Variants in EMCN observed in about 807,000 individuals in gnomAD.
The protein encoded by EMCN is MUC-14.
Under a neutral mutation model 38.4 loss-of-function variants are expected in EMCN, and 37 were observed. The observed-to-expected ratio is 0.96, with a 90% CI of 0.74 to 1.27. EMCN has a LOEUF of 1.27. Ranked by LOEUF, EMCN falls within the 50% of genes most tolerant of loss-of-function variation. The pLI is 0.00. For missense variants in EMCN, 318 were observed against 302.8 expected, an observed-to-expected ratio of 1.05 and a Z score of -0.37; for synonymous variants, 95 against 100.8, an observed-to-expected ratio of 0.94 and a Z score of 0.35.
intron 5 of EMCN, among the ~76,000 whole-genome samples, chr4:100,445,215 A>G (rs1401841056): frequency 6.6e-6 from 1 of 152,176 alleles, no homozygotes; most frequent in Non-Finnish European, 1.5e-5. Context: ...GAAGAGCACT[A>G]GAAGCTTTTA....
At position 100,410,613 on chromosome 4, in the gene EMCN, G is replaced by A. The variant is rs184572556; in HGVS notation, c.752-258C>T. On this transcript the variant is annotated intron_variant, in intron 10 of 11. Coordinates refer to ENST00000296420, the MANE Select transcript of EMCN (RefSeq NM_016242.4). ...GGATAGGTCAGGGGGCAGTGGGGGC[G>A]GGGATGTGAGTTGGGAGATGATAAC... Among the ~76,000 whole-genome samples, 353 of 152,216 alleles carry A rather than the reference G, an allele frequency of 2.3e-3. 3 individuals are homozygous for A. Among genetic ancestry groups the A allele is most frequent in the African/African-American group, 8.2e-3 (340 of 41,538 alleles).
intron 5 of EMCN, among the ~76,000 whole-genome samples, chr4:100,433,835 C>T (rs751676298): frequency 2.0e-4 from 30 of 152,074 alleles, no homozygotes; most frequent in African/African-American, 2.9e-4. Context: ...TGCACCCAGC[C>T]GAAATCTCCA....
intron 1 of EMCN, among the ~76,000 whole-genome samples, chr4:100,483,789 T>A (rs1390145055): frequency 4.6e-5 from 7 of 152,196 alleles, no homozygotes; most frequent in Non-Finnish European, 8.8e-5. Context: ...CTGTATTATC[T>A]GTAAATTCCT....
At chr4:100,446,290 T>TA (rs1446704538) in intron 5 of EMCN, 1 of 753,156 alleles carries the variant, frequency 1.3e-6, no homozygotes, top group Non-Finnish European at 1.6e-6. Context: ...ATTAATGAAT[T>TA]AAAAAAATGG....
At chr4:100,502,171 C>T (rs529200824) in intron 1 of EMCN, among the ~76,000 whole-genome samples, 4 of 152,268 alleles carry the variant, frequency 2.6e-5, no homozygotes, top group Admixed American at 6.5e-5. Flanking sequence ...CTAGATGTAA[C>T]ATTTACATAG....
chr4:100,466,604 T>C (rs184133085), intron 3 of EMCN, among the ~76,000 whole-genome samples: 1 of 152,278 alleles, frequency 6.6e-6, no homozygotes, highest in East Asian at 1.9e-4. Flanking sequence ...ATCCTGCATA[T>C]GAGAGAGAAT....
At chr4:100,446,042 A>T (rs1727662673) in intron 5 of EMCN, 1 of 983,886 alleles carries the variant, frequency 1.0e-6, no homozygotes, top group Non-Finnish European at 1.2e-6. Flanking sequence ...TATTTAAACA[A>T]AATGAAGGAT....
chr4:100,469,856 C>T (rs357661), intron 3 of EMCN, among the ~76,000 whole-genome samples: 126,992 of 151,938 alleles, frequency 0.84, 53,980 homozygotes, highest in South Asian at 0.96. Context: ...TTCTTATTGC[C>T]TAGGATTTCT....
At chr4:100,494,228 T>C (rs1164452091) in intron 1 of EMCN, among the ~76,000 whole-genome samples, 1 of 152,196 alleles carries the variant, frequency 6.6e-6, no homozygotes, top group Non-Finnish European at 1.5e-5. Flanking sequence ...AGCTATGTCA[T>C]TAAGATGCCA....
chr4:100,412,290 T>C (rs1263754155), intron 10 of EMCN, among the ~76,000 whole-genome samples: 1 of 152,176 alleles, frequency 6.6e-6, no homozygotes, highest in African/African-American at 2.4e-5. Context: ...GCAGACATGC[T>C]AAGGTGTTTG....
chr4:100,427,267 T>G (rs551955356), intron 5 of EMCN, among the ~76,000 whole-genome samples: 19 of 152,130 alleles, frequency 1.2e-4, no homozygotes, highest in African/African-American at 4.6e-4. Flanking sequence ...TTTAAAATCT[T>G]TTTAATATTT....
At chr4:100,417,596 A>G (rs896156971) in intron 8 of EMCN, among the ~76,000 whole-genome samples, 1 of 150,440 alleles carries the variant, frequency 6.6e-6, no homozygotes, top group Non-Finnish European at 1.5e-5. Flanking sequence ...GTGAGCTACA[A>G]TGTAGATACT....
Position 100,465,419 on chromosome 4 carries a change from T to C in EMCN, c.376+4A>G, listed in dbSNP as rs1249469436. 40 of 1,554,750 alleles carry C rather than the reference T, an allele frequency of 2.6e-5. No individual in the cohort carries two copies. The East Asian group carries it at 9.1e-4, about 35-fold the overall frequency. On this transcript the variant is annotated splice_donor_region_variant and intron_variant, in intron 4 of 11. Transcript: ENST00000296420. ...AACACTTCAGCACAAATCCTCATAC[T>C]TACTCTTGGGTTTGGAACTTTGTAA... is the stretch of plus-strand genomic sequence containing the variant.
rs759174514 is a variant in EMCN at position 100,410,311 on chromosome 4, C to A, written c.*10G>T. 1 of 1,613,316 alleles carries A rather than the reference C, an allele frequency of 6.2e-7. No individual in the cohort carries two copies. The highest frequency in any genetic ancestry group is 2.2e-5 in the East Asian group (1 of 44,850). On this transcript the variant is annotated 3_prime_UTR_variant, in exon 11 of 12. Transcript: ENST00000296420. ...TTATTGCCTAGGTGTGGAGAGAATTCCTCAAGCTGTCAGTTCTTGGTTTTT... is the reference window on the plus strand; with the variant it reads ...TTATTGCCTAGGTGTGGAGAGAATTACTCAAGCTGTCAGTTCTTGGTTTTT...
chr4:100,447,504 A>C (rs1157180), intron 5 of EMCN, 29 bp downstream of exon 5: 3 of 1,535,364 alleles, frequency 2.0e-6, no homozygotes, highest in Non-Finnish European at 2.7e-6. Flanking sequence ...TGAAAATACT[A>C]AGAGAGAGAC....
At chr4:100,484,658 AGT>A (rs1448795334) in intron 1 of EMCN, among the ~76,000 whole-genome samples, 5 of 152,180 alleles carry the variant, frequency 3.3e-5, no homozygotes, top group African/African-American at 1.2e-4. Context: ...CCTAAAGTCC[AGT>A]AGAAATCCAC....
intron 3 of EMCN, among the ~76,000 whole-genome samples, chr4:100,470,223 C>T (rs1369337760): frequency 2.0e-5 from 3 of 151,838 alleles, no homozygotes; most frequent in Non-Finnish European, 1.5e-5. Flanking sequence ...ATAACATGGG[C>T]AAAGGACATG....
chr4:100,434,694 A>T (rs779322408), intron 5 of EMCN, among the ~76,000 whole-genome samples: 73 of 152,226 alleles, frequency 4.8e-4, no homozygotes, highest in Non-Finnish European at 9.8e-4. Flanking sequence ...AGTTGGCTTC[A>T]TCACCAGGAT....
chr4:100,414,031 CT>C (rs1173914358), intron 10 of EMCN, among the ~76,000 whole-genome samples: 7 of 152,162 alleles, frequency 4.6e-5, no homozygotes, highest in African/African-American at 1.2e-4. Context: ...TTCTCTGAGG[CT>C]TTCCCCCTGC....
Sources: gnomAD v4.1 joint callset for allele counts (sites outside exome capture counted in the v4.1 genomes callset) on GRCh38, gnomAD v4.1.1 for gene constraint, MANE v1.5 for transcripts, NCBI Gene and HGNC (gene_info 2026-07-23, HGNC 2026-07-21) for gene names.